LPP: variants seen among roughly 807,000 people sequenced by gnomAD.
LPP encodes the protein lipoma-preferred partner.
Under a neutral mutation model 60.4 loss-of-function variants are expected in LPP, and 38 were observed. That is an observed-to-expected ratio of 0.63 (90% CI 0.49 to 0.83). The LOEUF (loss-of-function observed/expected upper bound fraction) is 0.83. Among genes scored for constraint, LPP ranks in the 40% least tolerant of loss-of-function variants. The pLI is 0.00. For synonymous variants in LPP, 328 were observed against 290.8 expected (o/e 1.13, Z -1.30); for missense variants, 902 against 783.6 (o/e 1.15, Z -1.80).
At chr3:188,669,518 G>A (rs1856523573) in intron 7 of LPP, among the ~76,000 whole-genome samples, 1 of 152,156 alleles carries the variant, frequency 6.6e-6, no homozygotes, top group Admixed American at 6.5e-5. Context: ...GGAGCTTGCA[G>A]TGAGCCGAGA....
intron 1 of LPP, among the ~76,000 whole-genome samples, chr3:188,155,009 A>G (rs1436374188): frequency 2.6e-5 from 4 of 152,190 alleles, no homozygotes; most frequent in Admixed American, 2.6e-4. Flanking sequence ...GGAGGAAGAC[A>G]TCTCTTCGAG....
At chr3:188,557,199 G>A (rs941563718) in intron 6 of LPP, among the ~76,000 whole-genome samples, 3 of 151,732 alleles carry the variant, frequency 2.0e-5, no homozygotes, top group Non-Finnish European at 4.4e-5. Flanking sequence ...ATCTTCAGAC[G>A]TGCCTTCATG....
chr3:188,352,520 A>G lies in LPP; in HGVS notation c.-10+10801A>G, dbSNP rs985492643. ...ACTTGGAAACGGTTGGAAACTGTAG[A>G]TCAGGCACAGACATTGAATGTTTAG... is the stretch of plus-strand genomic sequence containing the variant. On this transcript the variant is annotated intron_variant, in intron 3 of 11. Coordinates refer to ENST00000617246, the MANE Select transcript of LPP (RefSeq NM_001375462.1). This position sits in a 1 kb window ranked among gnomAD's most constrained non-coding sequence, Gnocchi z 4.4. Among the ~76,000 whole-genome samples, 1 of 152,208 alleles carries G rather than the reference A, an allele frequency of 6.6e-6. No homozygotes were observed. Among genetic ancestry groups the G allele is most frequent in the Non-Finnish European group, 1.5e-5 (1 of 68,038 alleles).
rs1474259438 is a variant in LPP at position 188,882,944 on chromosome 3, G to T, written c.*8465G>T. 1 of 184,220 alleles carries T rather than the reference G, an allele frequency of 5.4e-6. No homozygotes were observed. Among genetic ancestry groups the T allele is most frequent in the Non-Finnish European group, 1.1e-5 (1 of 87,020 alleles). The allele number at this position is 184,220 out of a possible 1,614,324, so 11.4% of individuals were successfully genotyped here. On this transcript the variant is annotated 3_prime_UTR_variant, in exon 12 of 12. Transcript: ENST00000617246. ...TTTAGTAGAGACGGGGTTTCACCGT[G>T]GTCTCGATCTCCTGACCTCGTGATC... is the stretch of plus-strand genomic sequence containing the variant.
chr3:188,214,199 C>G (rs577348318), intron 1 of LPP, among the ~76,000 whole-genome samples: 2 of 152,024 alleles, frequency 1.3e-5, no homozygotes, highest in Admixed American at 1.3e-4. Flanking sequence ...GGCGCGATCT[C>G]GGCTCACTGC....
intron 1 of LPP, chr3:188,208,148 G>C (rs1422313583): frequency 6.6e-6 from 1 of 152,238 alleles, no homozygotes; most frequent in Non-Finnish European, 1.5e-5. Flanking sequence ...ATGGATTTCT[G>C]GCGAAGATCC....
chr3:188,278,226 A>G (rs1376531130), intron 2 of LPP, among the ~76,000 whole-genome samples: 1 of 152,234 alleles, frequency 6.6e-6, no homozygotes, highest in African/African-American at 2.4e-5. Context: ...TAGCTTACCC[A>G]ATGTGGCACA....
chr3:188,563,579 T>C (rs1045499293), intron 6 of LPP, among the ~76,000 whole-genome samples: 4 of 151,828 alleles, frequency 2.6e-5, no homozygotes, highest in Non-Finnish European at 5.9e-5. Context: ...TGTATAGTGC[T>C]CCATAGTGTA....
chr3:188,423,628 G>C (rs529450719), intron 4 of LPP, among the ~76,000 whole-genome samples: 1 of 152,234 alleles, frequency 6.6e-6, no homozygotes, highest in Admixed American at 6.5e-5. Context: ...ACTTTTTAAT[G>C]ATCACCATTC....
intron 1 of LPP, among the ~76,000 whole-genome samples, chr3:188,196,726 A>T (rs1729643670): frequency 6.6e-6 from 1 of 152,174 alleles, no homozygotes; most frequent in Non-Finnish European, 1.5e-5. Flanking sequence ...GAATTAAGGG[A>T]CAGGAATGGA....
chr3:188,878,019 A>ATTG lies in LPP; in HGVS notation c.*3542_*3543insGTT, dbSNP rs1455993564. 1.8e-5 allele frequency: 4 copies of ATTG among 217,436 alleles called. No homozygotes were observed. The highest frequency in any genetic ancestry group is 3.7e-5 in the Non-Finnish European group (4 of 107,836). The allele number at this position is 217,436 out of a possible 1,614,324, so 13.5% of individuals were successfully genotyped here. A position where few individuals can be genotyped will look rare whatever the true frequency, so the allele number is the denominator to read the frequency against. On this transcript the variant is annotated 3_prime_UTR_variant, in exon 12 of 12. Coordinates refer to ENST00000617246, the MANE Select transcript of LPP (RefSeq NM_001375462.1). Reference sequence around the variant, plus strand: ...AGGTTTAAAGGATATGAAACTCTACATTTAAACAAGTATTTTATATTTGGG... The same window carrying ATTG: ...AGGTTTAAAGGATATGAAACTCTACATTGTTTAAACAAGTATTTTATATTTGGG...
At chr3:188,705,346 T>G (rs188118331) in intron 7 of LPP, among the ~76,000 whole-genome samples, 1 of 152,316 alleles carries the variant, frequency 6.6e-6, no homozygotes, top group Non-Finnish European at 1.5e-5. Flanking sequence ...ATTTACAATG[T>G]ACGTATCTGT....
intron 9 of LPP, among the ~76,000 whole-genome samples, chr3:188,824,355 T>A (rs1436094957): frequency 6.6e-6 from 1 of 152,208 alleles, no homozygotes; most frequent in Non-Finnish European, 1.5e-5. Context: ...TTCTTTAAAT[T>A]TGAGCTAATT....
intron 2 of LPP, among the ~76,000 whole-genome samples, chr3:188,239,455 A>G (rs939010315): frequency 1.3e-5 from 2 of 152,222 alleles, no homozygotes; most frequent in Non-Finnish European, 2.9e-5. Context: ...TCCCAGGCAA[A>G]TCAGTCTTTT....
At chr3:188,427,428 C>T (rs1261008086) in intron 4 of LPP, among the ~76,000 whole-genome samples, 1 of 152,062 alleles carries the variant, frequency 6.6e-6, no homozygotes, top group Non-Finnish European at 1.5e-5. Context: ...CCCAATCTTT[C>T]TCTCTGGCTG....
At chr3:188,168,693 AT>A (rs1175130048) in intron 1 of LPP, among the ~76,000 whole-genome samples, 1 of 152,254 alleles carries the variant, frequency 6.6e-6, no homozygotes, top group Non-Finnish European at 1.5e-5. Context: ...TTTAGATTTA[AT>A]AAGGCAGTTA....
intron 4 of LPP, among the ~76,000 whole-genome samples, chr3:188,452,906 CT>C (rs753870362): frequency 6.0e-4 from 91 of 152,242 alleles, no homozygotes; most frequent in Non-Finnish European, 1.1e-3. Context: ...TATTTTGCCC[CT>C]GATGCTGTTT....
intron 9 of LPP, among the ~76,000 whole-genome samples, chr3:188,812,979 T>C (rs1751485947): frequency 1.3e-5 from 2 of 152,044 alleles, no homozygotes; most frequent in Non-Finnish European, 2.9e-5. Flanking sequence ...CCCAAACTAA[T>C]AAAAGGATTG....
At chr3:188,252,741 T>C (rs1440032242) in intron 2 of LPP, among the ~76,000 whole-genome samples, 4 of 152,176 alleles carry the variant, frequency 2.6e-5, no homozygotes, top group Non-Finnish European at 4.4e-5. Flanking sequence ...TTTTGTGAGT[T>C]ACCTGTTCAT....
Sources: allele counts gnomAD v4.1 joint callset (sites outside exome capture counted in the v4.1 genomes callset), GRCh38; gene constraint gnomAD v4.1.1; non-coding constraint Gnocchi (gnomAD v3.1); transcripts MANE v1.5; gene names NCBI Gene and HGNC (gene_info 2026-07-23, HGNC 2026-07-21).